Variants in MGAT5 observed in about 807,000 individuals in gnomAD.
The protein encoded by MGAT5 is alpha-1,6-mannosylglycoprotein 6-beta-N-acetylglucosaminyltransferase A.
Under a neutral mutation model 94.3 loss-of-function variants are expected in MGAT5, and 30 were observed. The ratio of observed to expected loss-of-function variants is 0.32; its 90% CI spans 0.24 to 0.43. MGAT5 has a LOEUF of 0.43. Ranked by LOEUF, MGAT5 falls within the 20% of genes least tolerant of loss-of-function variation. MGAT5 has a pLI of 1.00. For missense variants in MGAT5, 691 were observed against 905.5 expected (o/e 0.76, Z 3.04); for synonymous variants, 310 against 322.9 (o/e 0.96, Z 0.43).
chr2:134,282,003 A>C (rs936354174), intron 2 of MGAT5, among the ~76,000 whole-genome samples: 1 of 152,194 alleles, frequency 6.6e-6, no homozygotes, highest in Non-Finnish European at 1.5e-5. Flanking sequence ...AGTGCCAGTC[A>C]TTTCTCATCA....
chr2:134,414,446 T>C (rs1683853986), intron 12 of MGAT5, among the ~76,000 whole-genome samples: 1 of 152,150 alleles, frequency 6.6e-6, no homozygotes, highest in Admixed American at 6.5e-5. Context: ...ACTTTGGAGT[T>C]TGGCGGGGGG....
chr2:134,181,347 A>C (rs1013644682), intron 1 of MGAT5, among the ~76,000 whole-genome samples: 2 of 152,188 alleles, frequency 1.3e-5, no homozygotes, highest in African/African-American at 4.8e-5. Context: ...ACACTCATGT[A>C]AACCGGAAGG....
At chr2:134,444,974 TCCA>T (rs1480477009) in intron 15 of MGAT5, among the ~76,000 whole-genome samples, 1 of 150,016 alleles carries the variant, frequency 6.7e-6, no homozygotes, top group Non-Finnish European at 1.5e-5. Context: ...AGTGCCAGGG[TCCA>T]TTCCAGTGGG....
intron 10 of MGAT5, among the ~76,000 whole-genome samples, chr2:134,394,425 A>G (rs1682590696): frequency 6.6e-6 from 1 of 152,204 alleles, no homozygotes; most frequent in Non-Finnish European, 1.5e-5. Flanking sequence ...CTTTAACATG[A>G]ATATATGAAG....
chr2:134,251,376 A>G (rs138671552), upstream of MGAT5, among the ~76,000 whole-genome samples: 238 of 152,310 alleles, frequency 1.6e-3, 1 homozygote, highest in African/African-American at 5.6e-3. Flanking sequence ...GAGGAAGGAA[A>G]GAGGGCAGGT....
intron 11 of MGAT5, among the ~76,000 whole-genome samples, chr2:134,408,967 A>G (rs116360790): frequency 0.012 from 1,865 of 152,290 alleles, 42 homozygotes; most frequent in African/African-American, 0.042. Context: ...AAACCATATC[A>G]TCTCTTATCT....
chr2:134,432,219 A>T (rs1383014221), intron 14 of MGAT5, among the ~76,000 whole-genome samples: 1 of 152,260 alleles, frequency 6.6e-6, no homozygotes, highest in African/African-American at 2.4e-5. Flanking sequence ...AAAACCATAC[A>T]TATGCTCTTG....
chr2:134,120,425 G>A (rs535106909), intron 1 of MGAT5: 1 of 329,230 alleles, frequency 3.0e-6, no homozygotes, highest in Non-Finnish European at 5.5e-6. Context: ...GGGTCGGCGC[G>A]GTCGGGGGCT....
chr2:134,156,909 G>T lies in MGAT5; in HGVS notation c.-143+36618G>T, dbSNP rs528793954. On this transcript the variant is annotated intron_variant, in intron 1 of 16. Transcript: ENST00000409645. Reference sequence around the variant, plus strand: ...GACACATCCAGGTTTGATGCAGCATGCCTTCAGGTAGCTCGCTTCTTGTCA... The same window carrying T: ...GACACATCCAGGTTTGATGCAGCATTCCTTCAGGTAGCTCGCTTCTTGTCA... 4.7e-4 allele frequency among the ~76,000 whole-genome samples: 71 copies of T among 152,322 alleles called. 1 individual carries two copies. The highest frequency in any genetic ancestry group is 1.6e-3 in the African/African-American group (68 of 41,572).
At chr2:134,428,528 T>A in intron 14 of MGAT5, 89 bp downstream of exon 14, 1 of 1,195,580 alleles carries the variant, frequency 8.4e-7, no homozygotes, top group South Asian at 1.3e-5. Flanking sequence ...GAGCTCACTG[T>A]GTTTCTGTGG....
chr2:134,322,350 G>A (rs1687383334), intron 4 of MGAT5, among the ~76,000 whole-genome samples: 1 of 152,108 alleles, frequency 6.6e-6, no homozygotes, highest in African/African-American at 2.4e-5. Flanking sequence ...AAATTCAGCT[G>A]TTTCCCTTAA....
At chr2:134,208,863 A>G (rs1335340168) in intron 1 of MGAT5, among the ~76,000 whole-genome samples, 3 of 152,208 alleles carry the variant, frequency 2.0e-5, no homozygotes, top group Non-Finnish European at 4.4e-5. Flanking sequence ...TTAGGAAAGC[A>G]TTATCTTACT....
intron 1 of MGAT5, among the ~76,000 whole-genome samples, chr2:134,260,206 C>G (rs1449700695): frequency 2.2e-4 from 34 of 152,230 alleles, no homozygotes; most frequent in Admixed American, 2.2e-3. Flanking sequence ...CTTCTGGTAT[C>G]AATATGGATG....
intron 1 of MGAT5, among the ~76,000 whole-genome samples, chr2:134,236,688 T>G (rs1461566601): frequency 6.6e-6 from 1 of 152,226 alleles, no homozygotes; most frequent in East Asian, 1.9e-4. Flanking sequence ...TATGTCTTTA[T>G]TAGCAGTGTG....
intron 12 of MGAT5, among the ~76,000 whole-genome samples, chr2:134,413,719 A>AT (rs1683803186): frequency 6.6e-6 from 1 of 152,174 alleles, no homozygotes; most frequent in South Asian, 2.1e-4. Context: ...TGATTTTCTG[A>AT]TTATTTCTAT....
chr2:134,267,772 A>G (rs1683807382), intron 1 of MGAT5, among the ~76,000 whole-genome samples: 1 of 152,190 alleles, frequency 6.6e-6, no homozygotes, highest in Non-Finnish European at 1.5e-5. Context: ...TAGCTCCCCC[A>G]TAGGGAGGAA....
At chr2:134,173,162 C>G (rs16830154) in intron 1 of MGAT5, among the ~76,000 whole-genome samples, 7,468 of 152,196 alleles carry the variant, frequency 0.049, 527 homozygotes, top group African/African-American at 0.15. Flanking sequence ...ATTTTTGTCT[C>G]AAATACAAGC....
At chr2:134,164,145 A>G (rs1384756076) in intron 1 of MGAT5, among the ~76,000 whole-genome samples, 3 of 152,158 alleles carry the variant, frequency 2.0e-5, no homozygotes, top group Non-Finnish European at 4.4e-5. Context: ...TCCTTCCCCA[A>G]ATTGGAGCTA....
In MGAT5 at chr2:134,406,583, C is replaced by T. The variant is rs370821674; in HGVS notation, c.1530+3446C>T. ...TTCTTACTGAGCTTGGATGTGCTCA[C>T]AAAACCTGTCTAAGGCAGGTGCGGT... is the stretch of plus-strand genomic sequence containing the variant. On this transcript the variant is annotated intron_variant, in intron 11 of 15. Coordinates refer to ENST00000281923, the MANE Select transcript of MGAT5 (RefSeq NM_002410.5). Among the ~76,000 whole-genome samples, 32 of 152,298 alleles carry T rather than the reference C, an allele frequency of 2.1e-4. 2 individuals are homozygous for T. In the South Asian group the frequency reaches 6.6e-3, roughly 32 times the overall value.
Sources: gnomAD v4.1 joint callset for allele counts (sites outside exome capture counted in the v4.1 genomes callset) on GRCh38, gnomAD v4.1.1 for gene constraint, MANE v1.5 for transcripts, NCBI Gene and HGNC (gene_info 2026-07-23, HGNC 2026-07-21) for gene names.